The following COL4A6 variants were observed in gnomAD, a reference collection of about 807,000 sequenced individuals.
COL4A6 encodes the protein collagen alpha-6(IV) chain.
Under a neutral mutation model 126.7 loss-of-function variants are expected in COL4A6, and 59 were observed. The ratio of observed to expected loss-of-function variants is 0.47; its 90% CI spans 0.38 to 0.58. The LOEUF is 0.58. Ranked by LOEUF, COL4A6 falls within the 20% of genes least tolerant of loss-of-function variation. The pLI, the probability that COL4A6 is intolerant of heterozygous loss-of-function variation, is 0.00. For missense variants in COL4A6, 1,285 were observed against 1,337.3 expected (o/e 0.96, Z 0.61); for synonymous variants, 547 against 496.6 (o/e 1.10, Z -1.35).
chrX:108,175,350 T>A, intron 29 of COL4A6, 135 bp from the exon 30 acceptor site: 2 of 765,017 alleles, frequency 2.6e-6, no homozygotes, highest in Non-Finnish European at 3.6e-6. Flanking sequence ...CCACCCCTAT[T>A]CCCCCAACTT....
chrX:108,210,133 T>C, intron 7 of COL4A6, 129 bp from the exon 8 acceptor site: 4 of 594,751 alleles, frequency 6.7e-6, no homozygotes, highest in Non-Finnish European at 1.0e-5. Context: ...CAAAGTCTTG[T>C]GTTTTAAATA....
chrX:108,192,467 T>C lies in COL4A6; in HGVS notation c.1180+6A>G, dbSNP rs780017168. On this transcript the variant is annotated splice_donor_region_variant and intron_variant, in intron 18 of 44. Transcript: ENST00000334504. Reference sequence around the variant, plus strand: ...TCTGTGTAGGAAATGGGTTAGTTTTTTTCACCTGATAATGCTGGCAATCCA... The same window carrying C: ...TCTGTGTAGGAAATGGGTTAGTTTTCTTCACCTGATAATGCTGGCAATCCA... 3 of 1,191,930 alleles carry C rather than the reference T, an allele frequency of 2.5e-6. No homozygotes were observed. Among genetic ancestry groups the C allele is most frequent in the Admixed American group, 4.4e-5 (2 of 45,682 alleles).
rs1452071051 is a variant in COL4A6 at position 108,438,009 on chromosome X, G to A, written c.12-16C>T. 1 of 1,209,820 alleles carries A rather than the reference G, an allele frequency of 8.3e-7. No homozygotes were observed. The highest frequency in any genetic ancestry group is 3.0e-5 in the East Asian group (1 of 33,779). ...CAGCCACAACCTGAAATGGGAGGGAGGGTGAGTAATGGGCTCTCTAGGCTT... is the reference window on the plus strand; with the variant it reads ...CAGCCACAACCTGAAATGGGAGGGAAGGTGAGTAATGGGCTCTCTAGGCTT... On this transcript the variant is annotated splice_polypyrimidine_tract_variant and intron_variant, in intron 1 of 44. Coordinates refer to ENST00000334504, the MANE Select transcript of COL4A6 (RefSeq NM_033641.4).
chrX:108,220,927 A>C (rs779833009), intron 4 of COL4A6, among the ~76,000 whole-genome samples: 1 of 112,118 alleles, frequency 8.9e-6, no homozygotes, highest in Non-Finnish European at 1.9e-5. Context: ...AACATGGTGA[A>C]ACTCCATCTC....
chrX:108,265,034 T>C (rs900800514), intron 3 of COL4A6, among the ~76,000 whole-genome samples: 3 of 112,147 alleles, frequency 2.7e-5, no homozygotes, highest in African/African-American at 6.5e-5. Context: ...ACCTTCCTCA[T>C]AGGCTAGAAG....
intron 2 of COL4A6, among the ~76,000 whole-genome samples, chrX:108,349,547 A>T (rs1368151829): frequency 1.8e-5 from 2 of 111,833 alleles, no homozygotes; most frequent in Non-Finnish European, 3.8e-5. Context: ...TAAAATAATG[A>T]TTATAATAAT....
intron 3 of COL4A6, among the ~76,000 whole-genome samples, chrX:108,263,847 A>T (rs1231601935): frequency 9.0e-6 from 1 of 111,546 alleles, no homozygotes; most frequent in Admixed American, 9.5e-5. Context: ...GCAAGGATGG[A>T]TAAAAGGTAG....
At chrX:108,270,143 C>A (rs989869663) in intron 3 of COL4A6, among the ~76,000 whole-genome samples, 13 of 111,988 alleles carry the variant, frequency 1.2e-4, no homozygotes, top group African/African-American at 4.2e-4. Context: ...CTTTCTGAGT[C>A]TCAGGTTTCT....
rs777929274 is a variant in COL4A6, at chrX:108,176,998, C to T, written c.2529G>A (p.Lys843=). 5.0e-6 allele frequency: 6 copies of T among 1,209,441 alleles called. No individual in the cohort carries two copies. Among genetic ancestry groups the T allele is most frequent in the East Asian group, 3.0e-5 (1 of 33,763 alleles). Residue 843 remains lysine (K), a synonymous_variant, in exon 28 of 45, where the codon AAG becomes AAA. Coordinates refer to ENST00000334504, the MANE Select transcript of COL4A6 (RefSeq NM_033641.4). ...GFPGISGHPG[K]KGTRGKKGPP... is the part of the protein sequence containing the mutation. The stretch of plus-strand genomic sequence containing the variant: ...GACCTTTCTTGCCTCTTGTTCCTTT[C>T]TTTCCAGGATGTCCTGAATAAGCAC...
At chrX:108,405,740 A>G (rs187607037) in intron 2 of COL4A6, among the ~76,000 whole-genome samples, 31 of 110,927 alleles carry the variant, frequency 2.8e-4, no homozygotes, top group Non-Finnish European at 3.8e-5. Flanking sequence ...AAGAACTAGT[A>G]TTTCCAATTG....
At chrX:108,351,733 A>G (rs2039852463) in intron 2 of COL4A6, among the ~76,000 whole-genome samples, 1 of 110,295 alleles carries the variant, frequency 9.1e-6, no homozygotes, top group African/African-American at 3.4e-5. Flanking sequence ...CAAGAACAAT[A>G]AAAAGGTTAT....
intron 2 of COL4A6, among the ~76,000 whole-genome samples, chrX:108,339,559 C>G (rs1292279290): frequency 9.9e-5 from 11 of 111,571 alleles, no homozygotes; most frequent in Non-Finnish European, 1.9e-5. Context: ...CACATGTTTA[C>G]AGATAACCCT....
At chrX:108,281,517 C>T (rs1330869096) in intron 3 of COL4A6, among the ~76,000 whole-genome samples, 8 of 109,057 alleles carry the variant, frequency 7.3e-5, no homozygotes, top group African/African-American at 1.0e-4. Context: ...AATGGAAGAA[C>T]ATTCCATGCT....
chrX:108,367,918 C>T (rs7876921), intron 2 of COL4A6, among the ~76,000 whole-genome samples: 8,221 of 111,246 alleles, frequency 0.074, 668 homozygotes, highest in African/African-American at 0.23. Context: ...TGTGACCATG[C>T]TCCTTTTCTT....
At chrX:108,437,719 C>T (rs2064293453) in intron 2 of COL4A6, among the ~76,000 whole-genome samples, 1 of 111,364 alleles carries the variant, frequency 9.0e-6, no homozygotes, top group Non-Finnish European at 1.9e-5. Context: ...TTTATTTTCC[C>T]AACCCGTTAC....
intron 2 of COL4A6, among the ~76,000 whole-genome samples, chrX:108,426,446 T>A (rs2064087593): frequency 9.0e-6 from 1 of 111,667 alleles, no homozygotes; most frequent in African/African-American, 3.3e-5. Flanking sequence ...CAAACTAGCC[T>A]TATTGTTGTT....
rs756434334 is a variant in COL4A6, at chrX:108,187,079, C to A, written c.1951+17G>T. The stretch of plus-strand genomic sequence containing the variant: ...GTCAAATTTCCAAGTCCAAAGCCAT[C>A]TGATTCTATGACTCACCCTTAGATC... On this transcript the variant is annotated intron_variant, in intron 23 of 44. Transcript: ENST00000334504. The A allele has an allele frequency of 9.0e-7, 1 of 1,108,876 alleles. No individual in the cohort carries two copies. Among genetic ancestry groups the A allele is most frequent in the East Asian group, 3.2e-5 (1 of 31,470 alleles). 91.4% of individuals were successfully genotyped at this position (1,108,876 alleles called of 1,213,427 possible). A position where few individuals can be genotyped will look rare whatever the true frequency, so the allele number is the denominator to read the frequency against.
chrX:108,406,064 C>T (rs1176973330), intron 2 of COL4A6, among the ~76,000 whole-genome samples: 2 of 111,369 alleles, frequency 1.8e-5, no homozygotes, highest in African/African-American at 6.5e-5. Context: ...ACGTCCTGGG[C>T]TCAAGTGATC....
At chrX:108,282,018 C>T (rs983307247) in intron 3 of COL4A6, among the ~76,000 whole-genome samples, 46 of 110,873 alleles carry the variant, frequency 4.1e-4, no homozygotes, top group African/African-American at 1.3e-3. Context: ...AAGACTGAAA[C>T]GTTAGACCTA....
Sources: gnomAD v4.1 joint callset for allele counts (sites outside exome capture counted in the v4.1 genomes callset) on GRCh38, gnomAD v4.1.1 for gene constraint, MANE v1.5 for transcripts, NCBI Gene and HGNC (gene_info 2026-07-23, HGNC 2026-07-21) for gene names.